Variants in FSIP1 observed in about 807,000 individuals in gnomAD.
The protein encoded by FSIP1 is fibrous sheath-interacting protein 1.
Under a neutral mutation model 60.9 loss-of-function variants are expected in FSIP1, and 65 were observed. The ratio of observed to expected loss-of-function variants is 1.07; its 90% CI spans 0.87 to 1.31. The LOEUF (loss-of-function observed/expected upper bound fraction) is 1.31, where lower values mean the gene tolerates loss of function less well. Ranked by LOEUF, FSIP1 falls within the 40% of genes most tolerant of loss-of-function variation. The pLI is 0.00. For missense variants in FSIP1, 675 were observed against 665.5 expected, an observed-to-expected ratio of 1.01 and a Z score of -0.16; for synonymous variants, 209 against 221.2, an observed-to-expected ratio of 0.94 and a Z score of 0.49.
At chr15:39,773,240 T>C (rs1897947732) in intron 2 of FSIP1, among the ~76,000 whole-genome samples, 1 of 152,210 alleles carries the variant, frequency 6.6e-6, no homozygotes. Context: ...TCAAACAATA[T>C]GTAAGGTTTT....
chr15:39,750,878 C>T (rs1383252697), intron 5 of FSIP1, among the ~76,000 whole-genome samples: 5 of 151,778 alleles, frequency 3.3e-5, no homozygotes, highest in African/African-American at 1.2e-4. Flanking sequence ...ATTTGCAAAT[C>T]ATATATCTGA....
At chr15:39,780,250 G>A (rs919150978) in intron 1 of FSIP1, among the ~76,000 whole-genome samples, 16 of 152,158 alleles carry the variant, frequency 1.1e-4, no homozygotes, top group Admixed American at 9.8e-4. Flanking sequence ...TTGGCCAGGC[G>A]CGGTGGCTCA....
chr15:39,724,513 A>T (rs1896114620), intron 9 of FSIP1, among the ~76,000 whole-genome samples: 2 of 152,288 alleles, frequency 1.3e-5, no homozygotes, highest in South Asian at 2.1e-4. Flanking sequence ...CAGCCTCCCA[A>T]AGTGCTGGGA....
Position 39,741,805 on chromosome 15 carries a change from CTTTATTGAGT to C in FSIP1, c.645_654del (p.Leu216IlefsTer12). On this transcript the variant is annotated frameshift_variant and splice_region_variant, in exon 6 of 12. Coordinates refer to ENST00000350221, the MANE Select transcript of FSIP1 (RefSeq NM_152597.5). LOFTEE classifies it high-confidence loss of function. ...TATAATCACACAAATTTAAATATACCTTTATTGAGTTTCTGCATCTGCATTTCATATTCTT... is the reference window on the plus strand; with the variant it reads ...TATAATCACACAAATTTAAATATACCTTCTGCATCTGCATTTCATATTCTT... 1 of 1,492,230 alleles carries C rather than the reference CTTTATTGAGT, an allele frequency of 6.7e-7. No individual in the cohort carries two copies. The highest frequency in any genetic ancestry group is 1.1e-5 in the South Asian group (1 of 88,268). 92.4% of individuals were successfully genotyped at this position (1,492,230 alleles called of 1,614,324 possible).
chr15:39,709,105 A>T (rs1320036), intron 10 of FSIP1, among the ~76,000 whole-genome samples: 1 of 152,090 alleles, frequency 6.6e-6, no homozygotes, highest in Non-Finnish European at 1.5e-5. Flanking sequence ...CTTTTCCAGC[A>T]TTTACTGACA....
At position 39,743,961 on chromosome 15, in the gene FSIP1, T is replaced by C. The variant is rs138541846; in HGVS notation, c.560-2061A>G. Among the ~76,000 whole-genome samples, 71 of 152,336 alleles carry C rather than the reference T, an allele frequency of 4.7e-4. 1 individual carries two copies. Among genetic ancestry groups the C allele is most frequent in the African/African-American group, 1.7e-3 (71 of 41,586 alleles). On this transcript the variant is annotated intron_variant, in intron 5 of 11. Transcript: ENST00000350221. Reference sequence around the variant, plus strand: ...AAGACTAAAAGGTATGACAATAATGTAATGCATAGCCTGAGATTTTTCTTT... The same window carrying C: ...AAGACTAAAAGGTATGACAATAATGCAATGCATAGCCTGAGATTTTTCTTT...
intron 11 of FSIP1, among the ~76,000 whole-genome samples, chr15:39,604,514 G>A (rs992419601): frequency 6.6e-6 from 1 of 152,124 alleles, no homozygotes; most frequent in Non-Finnish European, 1.5e-5. Context: ...AAGAATTAAA[G>A]AAAATTAGTT....
intron 10 of FSIP1, among the ~76,000 whole-genome samples, chr15:39,680,925 C>T (rs890122999): frequency 6.6e-5 from 10 of 152,178 alleles, no homozygotes; most frequent in Admixed American, 2.0e-4. Flanking sequence ...ATAACTTTCT[C>T]AGAGTCATTC....
intron 5 of FSIP1, among the ~76,000 whole-genome samples, chr15:39,761,650 T>C (rs1319093703): frequency 1.3e-5 from 2 of 152,302 alleles, no homozygotes; most frequent in Middle Eastern, 3.4e-3. Flanking sequence ...TTGAGATCTA[T>C]TGCACGGTGT....
At chr15:39,667,040 G>A (rs749991370) in intron 10 of FSIP1, among the ~76,000 whole-genome samples, 17 of 152,152 alleles carry the variant, frequency 1.1e-4, no homozygotes, top group Non-Finnish European at 2.4e-4. Context: ...AAGACAGTGG[G>A]CGCTGTGAAA....
At chr15:39,770,650 CTG>C (rs1897854531) in intron 2 of FSIP1, 40 bp from the exon 3 acceptor site, 1 of 1,315,690 alleles carries the variant, frequency 7.6e-7, no homozygotes, top group Non-Finnish European at 1.0e-6. Context: ...TCCGAAAATA[CTG>C]TCTTTTTTTA....
intron 9 of FSIP1, among the ~76,000 whole-genome samples, chr15:39,715,831 G>A (rs1447178089): frequency 6.6e-6 from 1 of 152,062 alleles, no homozygotes; most frequent in Non-Finnish European, 1.5e-5. Context: ...ATGAGGTCTG[G>A]TTGTTTACAA....
At chr15:39,644,933 A>T (rs1287454762) in intron 10 of FSIP1, among the ~76,000 whole-genome samples, 1 of 152,258 alleles carries the variant, frequency 6.6e-6, no homozygotes, top group African/African-American at 2.4e-5. Context: ...ATCATCAGGC[A>T]GTTATAGTCA....
intron 5 of FSIP1, among the ~76,000 whole-genome samples, chr15:39,755,154 G>A (rs1897263828): frequency 6.6e-6 from 1 of 152,050 alleles, no homozygotes. Context: ...TTTAGGACTA[G>A]AAGAGTTAAA....
chr15:39,758,855 G>A (rs1897388649), intron 5 of FSIP1, among the ~76,000 whole-genome samples: 1 of 151,852 alleles, frequency 6.6e-6, no homozygotes, highest in African/African-American at 2.4e-5. Flanking sequence ...AATTTTAATG[G>A]AATAAAATAG....
chr15:39,622,439 T>C (rs1231799412), intron 10 of FSIP1, among the ~76,000 whole-genome samples: 4 of 152,198 alleles, frequency 2.6e-5, no homozygotes, highest in Non-Finnish European at 5.9e-5. Flanking sequence ...AGTAAATCTA[T>C]TGGATTTTTC....
At chr15:39,738,330 T>C (rs1014434571) in intron 7 of FSIP1, 129 bp from the exon 8 acceptor site, 11 of 564,434 alleles carry the variant, frequency 1.9e-5, no homozygotes, top group African/African-American at 1.9e-4. Flanking sequence ...GCATTTTACA[T>C]TTTCTAGGTA....
chr15:39,678,542 T>C (rs1266470410), intron 10 of FSIP1, among the ~76,000 whole-genome samples: 1 of 152,148 alleles, frequency 6.6e-6, no homozygotes, highest in Non-Finnish European at 1.5e-5. Context: ...TTTAGAGTAA[T>C]GTAATCGGGA....
In FSIP1 at chr15:39,624,544, A is replaced by G. The variant is rs1056272756; in HGVS notation, c.1189-6299T>C. Among the ~76,000 whole-genome samples the G allele has an allele frequency of 2.6e-5, 4 of 152,076 alleles. No homozygotes were observed. The South Asian group carries it at 8.3e-4, about 31-fold the overall frequency. ...TAAACACATCTAAAAATCAAGGGGGAAAAATAATTGGTGTTCATTTTAATG... is the reference window on the plus strand; with the variant it reads ...TAAACACATCTAAAAATCAAGGGGGGAAAATAATTGGTGTTCATTTTAATG... On this transcript the variant is annotated intron_variant, in intron 10 of 11. Coordinates refer to ENST00000350221, the MANE Select transcript of FSIP1 (RefSeq NM_152597.5).
Sources: allele counts gnomAD v4.1 joint callset (sites outside exome capture counted in the v4.1 genomes callset), GRCh38; gene constraint gnomAD v4.1.1; transcripts MANE v1.5; gene names NCBI Gene and HGNC (gene_info 2026-07-23, HGNC 2026-07-21).